ABHD5: variants seen among roughly 807,000 people sequenced by gnomAD.
ABHD5 encodes abhydrolase domain containing 5, lysophosphatidic acid acyltransferase.
In ABHD5, 30 loss-of-function variants were observed where a neutral mutation model predicts 44.9. That is an observed-to-expected ratio of 0.67 (90% CI 0.50 to 0.91). The LOEUF (loss-of-function observed/expected upper bound fraction) is 0.91. Among genes scored for constraint, ABHD5 ranks in the 40% least tolerant of loss-of-function variants. The pLI is 0.00. For synonymous variants in ABHD5, 167 were observed against 147.0 expected (o/e 1.14, Z -0.99); for missense variants, 399 against 423.4 (o/e 0.94, Z 0.50).
chr3:43,699,501 G>A (rs910376150), intron 2 of ABHD5, 140 bp downstream of exon 2: 17 of 848,884 alleles, frequency 2.0e-5, no homozygotes, highest in Middle Eastern at 2.2e-4. Context: ...CTTGTCATTA[G>A]AAAGTACAGA....
intron 4 of ABHD5, among the ~76,000 whole-genome samples, chr3:43,714,141 T>C (rs2084727199): frequency 6.7e-6 from 1 of 149,524 alleles, no homozygotes; most frequent in Admixed American, 6.6e-5. Flanking sequence ...TTTTTTCTTT[T>C]TTTTTTTTTT....
intron 1 of ABHD5, among the ~76,000 whole-genome samples, chr3:43,696,972 ATGGT>A (rs1559409888): frequency 1.3e-5 from 2 of 152,190 alleles, no homozygotes; most frequent in African/African-American, 4.8e-5. Context: ...GCCTCTTCTT[ATGGT>A]TGAAGATCCC....
intron 4 of ABHD5, among the ~76,000 whole-genome samples, chr3:43,713,322 CAAA>C (rs78532050): frequency 3.1e-3 from 144 of 46,886 alleles, no homozygotes; most frequent in Non-Finnish European, 4.0e-3. Context: ...GACCCTGTCT[CAAA>C]AAAAAAAAAA....
At chr3:43,730,001 G>T (rs2084902626) in intron 7 of ABHD5, among the ~76,000 whole-genome samples, 1 of 152,228 alleles carries the variant, frequency 6.6e-6, no homozygotes, top group Non-Finnish European at 1.5e-5. Flanking sequence ...GCTGAAGCAG[G>T]AGGTGGCATT....
Position 43,711,830 on chromosome 3 carries a change from C to G in ABHD5, c.628C>G (p.Pro210Ala), listed in dbSNP as rs189968197. ...ALGAALTPFNPLAGLRIAGPF... is the reference protein window; with the variant it reads ...ALGAALTPFNALAGLRIAGPF... ...GGGAGCAGCATTGACTCCCTTTAAC[C>G]CTTTAGCTGGCCTAAGGATTGCAGG... The change falls in exon 4 of 7, where the codon CCT becomes GCT. Residue 210 changes from proline (P) to alanine (A), a missense_variant. Pro to Ala is a conservative substitution (Grantham distance 27). Coordinates refer to ENST00000644371, the MANE Select transcript of ABHD5 (RefSeq NM_016006.6). 3.1e-5 allele frequency: 50 copies of G among 1,614,184 alleles called. 2 individuals are homozygous for G. The East Asian group carries it at 9.1e-4, about 29-fold the overall frequency.
chr3:43,724,409 G>A (rs771759143), downstream of ABHD5, among the ~76,000 whole-genome samples: 31 of 152,124 alleles, frequency 2.0e-4, no homozygotes, highest in Admixed American at 2.0e-4. Context: ...TCACAATACT[G>A]TATATGGCAA....
downstream of ABHD5, among the ~76,000 whole-genome samples, chr3:43,724,722 A>G (rs568167333): frequency 2.6e-4 from 40 of 152,322 alleles, no homozygotes; most frequent in Non-Finnish European, 5.1e-4. Flanking sequence ...ATTCACACAC[A>G]TATGTAAATA....
chr3:43,694,217 C>T (rs11130010), intron 1 of ABHD5, among the ~76,000 whole-genome samples: 86,815 of 146,884 alleles, frequency 0.59, 29,278 homozygotes, highest in East Asian at 0.75. Context: ...CGAGATCGTG[C>T]CACTGCACTC....
chr3:43,714,922 AT>A (rs1456937541), intron 4 of ABHD5, 24 bp from the exon 5 acceptor site: 1 of 1,532,506 alleles, frequency 6.5e-7, no homozygotes, highest in Admixed American at 1.7e-5. Flanking sequence ...TAAAACATGC[AT>A]TTTTTAAATT....
At chr3:43,715,097 G>GTGTGTGTGTC in intron 5 of ABHD5, 39 bp downstream of exon 5, 1 of 1,109,582 alleles carries the variant, frequency 9.0e-7, no homozygotes, top group East Asian at 2.4e-5. Context: ...GTGTGTGTGT[G>GTGTGTGTGTC]TGTGTGTGTG....
intron 2 of ABHD5, 162 bp downstream of exon 2, chr3:43,699,523 G>A: frequency 1.4e-6 from 1 of 725,454 alleles, no homozygotes; most frequent in South Asian, 1.6e-5. Context: ...ATGAATGTCG[G>A]GGGCTGGCAG....
rs1180350948 is a variant in ABHD5 at position 43,722,666 on chromosome 3, T to C, written c.*4134T>C. ...ACTTGAAAACTTAGTATTTTGTCTG[T>C]ACTTTGCTAATGGAATATATCCTAC... On this transcript the variant is annotated 3_prime_UTR_variant, in exon 7 of 7. Transcript: ENST00000644371. 6.6e-6 allele frequency: 1 copy of C among 152,228 alleles called. No individual in the cohort carries two copies. Among genetic ancestry groups the C allele is most frequent in the East Asian group, 1.9e-4 (1 of 5,200 alleles). 9.4% of individuals were successfully genotyped at this position (152,228 alleles called of 1,614,324 possible).
chr3:43,722,990 A>G (rs2084853582), downstream of ABHD5, among the ~76,000 whole-genome samples: 1 of 152,174 alleles, frequency 6.6e-6, no homozygotes, highest in Non-Finnish European at 1.5e-5. Context: ...CTGTCCCACT[A>G]AATGGGGGCA....
chr3:43,727,422 C>G (rs1351332324), downstream of ABHD5, among the ~76,000 whole-genome samples: 2 of 152,186 alleles, frequency 1.3e-5, no homozygotes, highest in Non-Finnish European at 2.9e-5. Context: ...CAGTGTCCCT[C>G]AAGACTTGGC....
At chr3:43,725,858 TTG>T (rs1491067545), downstream of ABHD5, among the ~76,000 whole-genome samples, 4 of 151,410 alleles carry the variant, frequency 2.6e-5, no homozygotes, top group African/African-American at 9.8e-5. Flanking sequence ...GTTTTTTTTT[TTG>T]TTTTTTTGTT....
rs192696923 is a variant in ABHD5, at chr3:43,719,269, T to C, written c.*737T>C. ...TCCAAGGAACATGACTTCAATACTT[T>C]CAGTGATTCAGGTACTGAAAAGCCT... On this transcript the variant is annotated 3_prime_UTR_variant, in exon 7 of 7. Transcript: ENST00000644371. The C allele has an allele frequency of 4.5e-4, 69 of 152,348 alleles. No homozygotes were observed. The highest frequency in any genetic ancestry group is 1.4e-3 in the African/African-American group (59 of 41,580). 9.4% of individuals were successfully genotyped at this position (152,348 alleles called of 1,614,324 possible).
At position 43,718,789 on chromosome 3, in the gene ABHD5, T is replaced by A. The variant is rs1049563301; in HGVS notation, c.*257T>A. 9.5e-6 allele frequency: 4 copies of A among 419,004 alleles called. No individual in the cohort carries two copies. Among genetic ancestry groups the A allele is most frequent in the Non-Finnish European group, 1.7e-5 (4 of 230,326 alleles). The allele number at this position is 419,004 out of a possible 1,614,324, so 26.0% of individuals were successfully genotyped here. A position where few individuals can be genotyped will look rare whatever the true frequency, so the allele number is the denominator to read the frequency against. On this transcript the variant is annotated 3_prime_UTR_variant, in exon 7 of 7. Coordinates refer to ENST00000644371, the MANE Select transcript of ABHD5 (RefSeq NM_016006.6). ...ATAATACCTTTAAATAAAAGGTTATTTGTCCCTCTGATGTACTGAAAAACT... is the reference window on the plus strand; with the variant it reads ...ATAATACCTTTAAATAAAAGGTTATATGTCCCTCTGATGTACTGAAAAACT...
chr3:43,704,985 C>G (rs996551052), intron 3 of ABHD5, among the ~76,000 whole-genome samples: 4 of 152,222 alleles, frequency 2.6e-5, no homozygotes, highest in African/African-American at 9.6e-5. Context: ...CTGCATAAAA[C>G]TTAAATTATT....
intron 1 of ABHD5, among the ~76,000 whole-genome samples, chr3:43,695,662 TAGAC>T (rs1476934399): frequency 6.6e-5 from 10 of 152,214 alleles, no homozygotes; most frequent in Non-Finnish European, 1.2e-4. Context: ...ATACTGTAGA[TAGAC>T]AGATGTGTTA....
Sources: gnomAD v4.1 joint callset for allele counts (sites outside exome capture counted in the v4.1 genomes callset) on GRCh38, gnomAD v4.1.1 for gene constraint, MANE v1.5 for transcripts, NCBI Gene and HGNC (gene_info 2026-07-23, HGNC 2026-07-21) for gene names.